USP14: variants seen among roughly 807,000 people sequenced by gnomAD.
USP14 encodes ubiquitin carboxyl-terminal hydrolase 14.
USP14 carries 38 observed loss-of-function variants against 76.5 expected under a neutral mutation model. That is an observed-to-expected ratio of 0.50 (90% CI 0.38 to 0.65). The LOEUF is 0.65. Ranked by LOEUF, USP14 falls within the 30% of genes least tolerant of loss-of-function variation. The probability of loss-of-function intolerance (pLI) is 0.00; values close to 1 mark genes in which losing one functional copy is unlikely to be tolerated. For synonymous variants in USP14, 192 were observed against 191.7 expected, an observed-to-expected ratio of 1.00 and a Z score of -0.01; for missense variants, 467 against 586.5, an observed-to-expected ratio of 0.80 and a Z score of 2.10.
intron 3 of USP14, among the ~76,000 whole-genome samples, chr18:168,632 G>C (rs1373200791): frequency 6.6e-6 from 1 of 150,630 alleles, no homozygotes; most frequent in Admixed American, 6.6e-5. Context: ...ACAGGGTTTC[G>C]CAACGTTGGC....
intron 3 of USP14, among the ~76,000 whole-genome samples, chr18:170,474 G>A (rs1035531671): frequency 6.6e-6 from 1 of 152,172 alleles, no homozygotes; most frequent in African/African-American, 2.4e-5. Flanking sequence ...GCATTTTGCA[G>A]CAGTTAACCA....
rs146683649 is a variant in USP14 at position 176,579 on chromosome 18, T to G, written c.196-2354T>G. ...ATTTGCTTTTTCTTATAGATTTGCTTTTTTGAGTGCTTAGTATATATGGTA... is the reference window on the plus strand; with the variant it reads ...ATTTGCTTTTTCTTATAGATTTGCTGTTTTGAGTGCTTAGTATATATGGTA... On this transcript the variant is annotated intron_variant, in intron 3 of 15. Coordinates refer to ENST00000261601, the MANE Select transcript of USP14 (RefSeq NM_005151.4). Among the ~76,000 whole-genome samples, 1,422 of 152,260 alleles carry G rather than the reference T, an allele frequency of 9.3e-3. 6 individuals are homozygous for G. Among genetic ancestry groups the G allele is most frequent in the Non-Finnish European group, 0.015 (1,030 of 68,016 alleles).
chr18:161,863 TGTG>T (rs1202611476), intron 1 of USP14, among the ~76,000 whole-genome samples: 5 of 152,240 alleles, frequency 3.3e-5, no homozygotes, highest in South Asian at 2.1e-4. Context: ...AATTTTTTAT[TGTG>T]GTAAAATATA....
chr18:187,181 T>C (rs1338210817), intron 5 of USP14, among the ~76,000 whole-genome samples: 1 of 152,206 alleles, frequency 6.6e-6, no homozygotes, highest in Non-Finnish European at 1.5e-5. Flanking sequence ...TTCTCTTTTT[T>C]CTCCCATCAC....
At chr18:192,051 A>G (rs1311268023) in intron 5 of USP14, among the ~76,000 whole-genome samples, 1 of 152,238 alleles carries the variant, frequency 6.6e-6, no homozygotes, top group East Asian at 1.9e-4. Flanking sequence ...TTTAGAAATC[A>G]TTTAATAGAA....
At chr18:197,777 A>C in intron 8 of USP14, 81 bp downstream of exon 8, 1 of 1,113,850 alleles carries the variant, frequency 9.0e-7, no homozygotes. Context: ...CAAAGGCTTA[A>C]AATAAGTTCC....
At chr18:171,896 A>G (rs1006808977) in intron 3 of USP14, among the ~76,000 whole-genome samples, 5 of 152,162 alleles carry the variant, frequency 3.3e-5, no homozygotes, top group African/African-American at 9.7e-5. Flanking sequence ...GGGGAGTTCA[A>G]AACTTGAGTT....
At position 178,936 on chromosome 18, in the gene USP14, A is replaced by G; in HGVS notation, c.199A>G (p.Met67Val). 6.2e-7 allele frequency: 1 copy of G among 1,604,538 alleles called. No homozygotes were observed. The highest frequency in any genetic ancestry group is 8.5e-7 in the Non-Finnish European group (1 of 1,176,882). The change falls in exon 4 of 16, where the codon ATG (methionine) becomes GTG (valine). Residue 67 changes from methionine (M) to valine (V), a missense_variant. By Grantham distance (21) the Met-to-Val change is conservative. Coordinates refer to ENST00000261601, the MANE Select transcript of USP14 (RefSeq NM_005151.4). ...DWGNIKIKNG[M>V]TLLMMGSADA... ...AAATTACTTTTTTTAAAAACAGGGA[A>G]TGACTCTACTAATGATGGGGTCAGC...
Position 169,981 on chromosome 18 carries a change from C to T in USP14, c.195+3162C>T, listed in dbSNP as rs548105201. Among the ~76,000 whole-genome samples the T allele has an allele frequency of 7.9e-5, 12 of 152,144 alleles. No homozygotes were observed. The South Asian group carries it at 2.5e-3, about 32-fold the overall frequency. On this transcript the variant is annotated intron_variant, in intron 3 of 15. Transcript: ENST00000261601. ...TCTCGAGCCTCCCTATTCCCTGAGA[C>T]AAGACAGTATTGAAATTAGGCCAAT...
intron 14 of USP14, 34 bp downstream of exon 14, chr18:210,065 T>A: frequency 6.6e-7 from 1 of 1,505,622 alleles, no homozygotes. Flanking sequence ...TGAGTTATTG[T>A]ATGTGGGTCT....
chr18:172,659 C>G (rs961825670), intron 3 of USP14, among the ~76,000 whole-genome samples: 2 of 152,108 alleles, frequency 1.3e-5, no homozygotes, highest in Non-Finnish European at 2.9e-5. Context: ...AACTTGGAAA[C>G]AAGACCCCCC....
Position 161,654 on chromosome 18 carries a change from A to G in USP14, c.17-1654A>G, listed in dbSNP as rs184799224. Among the ~76,000 whole-genome samples the G allele has an allele frequency of 8.2e-4, 125 of 152,292 alleles. 1 individual carries two copies. The highest frequency in any genetic ancestry group is 3.0e-3 in the African/African-American group (123 of 41,556). On this transcript the variant is annotated intron_variant, in intron 1 of 15. Coordinates refer to ENST00000261601, the MANE Select transcript of USP14 (RefSeq NM_005151.4). Reference sequence around the variant, plus strand: ...TTGTCATTAAATGAATACTCAACATATTAATTGAACTGATGATAGAGTTGG... The same window carrying G: ...TTGTCATTAAATGAATACTCAACATGTTAATTGAACTGATGATAGAGTTGG...
chr18:199,051 G>A, intron 9 of USP14, 151 bp from the exon 10 acceptor site: 1 of 562,622 alleles, frequency 1.8e-6, no homozygotes, highest in South Asian at 2.4e-5. Flanking sequence ...ACATTCTTAA[G>A]TATGTTGAAA....
At chr18:183,992 C>T (rs1909858190) in intron 5 of USP14, among the ~76,000 whole-genome samples, 1 of 152,086 alleles carries the variant, frequency 6.6e-6, no homozygotes, top group Non-Finnish European at 1.5e-5. Flanking sequence ...TTACTGTTTT[C>T]TTCTTGGATG....
intron 5 of USP14, among the ~76,000 whole-genome samples, chr18:182,838 A>G (rs529848317): frequency 2.6e-5 from 4 of 152,330 alleles, no homozygotes; most frequent in African/African-American, 9.6e-5. Context: ...AGACTGCAAC[A>G]TACTCAGTGC....
At chr18:173,064 AGCTT>A (rs1382166868) in intron 3 of USP14, among the ~76,000 whole-genome samples, 4 of 151,080 alleles carry the variant, frequency 2.6e-5, no homozygotes, top group Non-Finnish European at 4.4e-5. Flanking sequence ...TTTCTTGTAA[AGCTT>A]GATAAGTTTT....
chr18:198,452 T>C (rs1479547043), intron 9 of USP14, among the ~76,000 whole-genome samples: 1 of 152,200 alleles, frequency 6.6e-6, no homozygotes, highest in African/African-American at 2.4e-5. Context: ...GTCAGGCTGG[T>C]ATTGAACTCC....
intron 6 of USP14, among the ~76,000 whole-genome samples, chr18:193,191 C>T (rs1910138939): frequency 6.6e-6 from 1 of 151,960 alleles, no homozygotes; most frequent in Non-Finnish European, 1.5e-5. Context: ...CTGGGGATAG[C>T]CAGCGACGGG....
At chr18:175,181 T>G (rs2144227355) in intron 3 of USP14, among the ~76,000 whole-genome samples, 1 of 152,350 alleles carries the variant, frequency 6.6e-6, no homozygotes, top group African/African-American at 2.4e-5. Flanking sequence ...TATTAATTTC[T>G]TAGGATATTG....
Sources: gnomAD v4.1 joint callset for allele counts (sites outside exome capture counted in the v4.1 genomes callset) on GRCh38, gnomAD v4.1.1 for gene constraint, MANE v1.5 for transcripts, NCBI Gene and HGNC (gene_info 2026-07-23, HGNC 2026-07-21) for gene names.